The following PRPF4 variants were observed in gnomAD, a reference collection of about 807,000 sequenced individuals.
PRPF4 encodes the protein pre-mRNA splicing tri-snRNP complex factor PRPF4, also known as U4/U6 small nuclear ribonucleoprotein Prp4.
Under a neutral mutation model 72.2 loss-of-function variants are expected in PRPF4, and 14 were observed. The observed-to-expected ratio is 0.19, with a 90% CI of 0.13 to 0.30. The LOEUF is 0.30. PRPF4 is among the 10% of genes least tolerant of loss of function. The pLI is 1.00. For missense variants in PRPF4, 478 were observed against 653.9 expected, an observed-to-expected ratio of 0.73 and a Z score of 2.93; for synonymous variants, 225 against 232.2, an observed-to-expected ratio of 0.97 and a Z score of 0.28.
rs547910971 is a variant in PRPF4 at position 113,276,034 on chromosome 9, A to T, written c.27+264A>T. 2.6e-5 allele frequency among the ~76,000 whole-genome samples: 4 copies of T among 152,338 alleles called. No individual in the cohort carries two copies. In the South Asian group the frequency reaches 8.3e-4, roughly 32 times the overall value. On this transcript the variant is annotated intron_variant, in intron 1 of 13. Coordinates refer to ENST00000374198, the MANE Select transcript of PRPF4 (RefSeq NM_001244926.2). ...GACTCATCCAGTAACGGTGCTCTGAAATAGGGAAGTGTCTTGGCCAAGGTT... is the reference window on the plus strand; with the variant it reads ...GACTCATCCAGTAACGGTGCTCTGATATAGGGAAGTGTCTTGGCCAAGGTT...
chr9:113,283,419 C>T lies in PRPF4; in HGVS notation c.591C>T (p.Leu197=). 1 of 1,614,090 alleles carries T rather than the reference C, an allele frequency of 6.2e-7. No individual in the cohort carries two copies. The highest frequency in any genetic ancestry group is 8.5e-7 in the Non-Finnish European group (1 of 1,180,020). Residue 197 remains leucine (L), a synonymous_variant, in exon 6 of 14, where the codon CTC becomes CTT. Coordinates refer to ENST00000374198, the MANE Select transcript of PRPF4 (RefSeq NM_001244926.2). ...RAMKRLEEAR[L]HKEIPETTRT... ...TGAAACGCTTGGAAGAGGCCCGACT[C>T]CATAAGGAGATTCCTGAGACAACAA...
rs774355275 is a variant in PRPF4 at position 113,276,745 on chromosome 9, C to T, written c.205+20C>T. 12 of 1,585,816 alleles carry T rather than the reference C, an allele frequency of 7.6e-6. No homozygotes were observed. Among genetic ancestry groups the T allele is most frequent in the Non-Finnish European group, 1.0e-5 (12 of 1,165,322 alleles). On this transcript the variant is annotated intron_variant, in intron 2 of 13. Coordinates refer to ENST00000374198, the MANE Select transcript of PRPF4 (RefSeq NM_001244926.2). Reference sequence around the variant, plus strand: ...CCTCTGGTAAGATGCAAATTGTGAGCCCATCTTTACCTCTTTGTGTAATGA... The same window carrying T: ...CCTCTGGTAAGATGCAAATTGTGAGTCCATCTTTACCTCTTTGTGTAATGA...
chr9:113,289,204 C>CT (rs1364184355), intron 10 of PRPF4, among the ~76,000 whole-genome samples: 1 of 152,130 alleles, frequency 6.6e-6, no homozygotes, highest in Non-Finnish European at 1.5e-5. Flanking sequence ...CTTTTTATTG[C>CT]TGGGGGTTAT....
At position 113,279,989 on chromosome 9, in the gene PRPF4, C is replaced by A. The variant is rs369177450; in HGVS notation, c.392+858C>A. Among the ~76,000 whole-genome samples, 65 of 152,282 alleles carry A rather than the reference C, an allele frequency of 4.3e-4. 2 individuals are homozygous for A. In the South Asian group the frequency reaches 0.013, roughly 30 times the overall value. ...TCTGTCCACTGTCTCATCTACCCTT[C>A]ATCATCCAGCTTGTTGGAAGGGTTT... On this transcript the variant is annotated intron_variant, in intron 3 of 13. Transcript: ENST00000374198.
In PRPF4 at chr9:113,284,381, A is replaced by G. The variant is rs1164337940; in HGVS notation, c.741A>G (p.Thr247=). 5 of 1,608,938 alleles carry G rather than the reference A, an allele frequency of 3.1e-6. No homozygotes were observed. The highest frequency in any genetic ancestry group is 4.3e-6 in the Non-Finnish European group (5 of 1,175,310). The change falls in exon 7 of 14, where the codon ACA becomes ACG. Residue 247 remains threonine, a synonymous_variant. Transcript: ENST00000374198. ...GTCCCAATTCCAAGATGCTGGCCAC[A>G]GCTTGTTGGTAAGTTCCATTTTACA... is the stretch of plus-strand genomic sequence containing the variant. The part of the protein sequence containing the change: ...HFSPNSKMLA[T]ACWSGLCKLW...
At chr9:113,285,727 T>C (rs1832429531) in intron 7 of PRPF4, among the ~76,000 whole-genome samples, 2 of 151,798 alleles carry the variant, frequency 1.3e-5, no homozygotes, top group South Asian at 4.1e-4. Flanking sequence ...TAGCCAGGTG[T>C]GGTGGCATGC....
chr9:113,285,902 C>T (rs559408209), intron 7 of PRPF4, among the ~76,000 whole-genome samples: 11 of 152,112 alleles, frequency 7.2e-5, no homozygotes, highest in African/African-American at 2.7e-4. Context: ...CAGCAAAATA[C>T]TATTCATATT....
intron 3 of PRPF4, among the ~76,000 whole-genome samples, chr9:113,279,568 T>C (rs1188764119): frequency 1.2e-4 from 19 of 152,136 alleles, no homozygotes; most frequent in Admixed American, 1.2e-3. Context: ...TTTGTATTTT[T>C]AGTAGAGACA....
At chr9:113,282,206 C>G (rs1047612334) in intron 3 of PRPF4, among the ~76,000 whole-genome samples, 5 of 152,232 alleles carry the variant, frequency 3.3e-5, no homozygotes, top group Admixed American at 2.6e-4. Flanking sequence ...GGTATAGTGG[C>G]TCATGCCCGT....
intron 10 of PRPF4, among the ~76,000 whole-genome samples, chr9:113,289,272 G>A (rs558823217): frequency 8.2e-4 from 125 of 152,336 alleles, no homozygotes; most frequent in Middle Eastern, 6.8e-3. Context: ...CACTTGGGCT[G>A]TTTCCAGGTC....
At position 113,283,374 on chromosome 9, in the gene PRPF4, G is replaced by T; in HGVS notation, c.561-15G>T. The stretch of plus-strand genomic sequence containing the variant: ...CAACCCTGTTGCTCCTGGTGATGGT[G>T]TTTCTGTGTCGCAGGGCAATGAAAC... On this transcript the variant is annotated splice_polypyrimidine_tract_variant and intron_variant, in intron 5 of 13. Coordinates refer to ENST00000374198, the MANE Select transcript of PRPF4 (RefSeq NM_001244926.2). The T allele has an allele frequency of 6.2e-7, 1 of 1,614,098 alleles. No individual in the cohort carries two copies. Among genetic ancestry groups the T allele is most frequent in the Non-Finnish European group, 8.5e-7 (1 of 1,179,990 alleles).
rs1832316984 is a variant in PRPF4, at chr9:113,282,659, C to A, written c.406C>A (p.Leu136Ile). The change falls in exon 4 of 14, where the codon CTC becomes ATC. Residue 136 changes from leucine to isoleucine, a missense_variant. Leu to Ile is a conservative substitution (Grantham distance 5, BLOSUM62 2). Coordinates refer to ENST00000374198, the MANE Select transcript of PRPF4 (RefSeq NM_001244926.2). ...AERRERLRNI[L>I]SVVGTDALKK... ...TTTTTTTAACAGGTTAAGAAATATC[C>A]TCTCAGTTGTCGGTACTGATGCCTT... 5.6e-6 allele frequency: 9 copies of A among 1,598,404 alleles called. No homozygotes were observed. Among genetic ancestry groups the A allele is most frequent in the Non-Finnish European group, 6.0e-6 (7 of 1,172,886 alleles).
chr9:113,291,086 C>G, intron 13 of PRPF4, 70 bp downstream of exon 13: 1 of 1,456,636 alleles, frequency 6.9e-7, no homozygotes, highest in Non-Finnish European at 9.6e-7. Flanking sequence ...GGAATGCAGG[C>G]CAGGCTTTAG....
Position 113,291,581 on chromosome 9 carries a change from G to C in PRPF4, c.1487G>C (p.Gly496Ala), listed in dbSNP as rs1248496723. ...GCTGGCCACGAAGGCAAAGTGATGG[G>C]CCTAGATATTTCTTCCGATGGGCAG... ...TLAGHEGKVMGLDISSDGQLI... is the reference protein window; with the variant it reads ...TLAGHEGKVMALDISSDGQLI... The change falls in exon 14 of 14, where the codon GGC (glycine) becomes GCC (alanine). Residue 496 changes from glycine (G) to alanine (A), a missense_variant. Gly to Ala is a moderately conservative substitution (Grantham distance 60, BLOSUM62 0). Transcript: ENST00000374198. 6.2e-7 allele frequency: 1 copy of C among 1,614,016 alleles called. No individual in the cohort carries two copies. Among genetic ancestry groups the C allele is most frequent in the African/African-American group, 1.3e-5 (1 of 74,900 alleles).
chr9:113,287,748 A>C (rs1387322707), intron 9 of PRPF4, among the ~76,000 whole-genome samples: 1 of 152,134 alleles, frequency 6.6e-6, no homozygotes, highest in East Asian at 1.9e-4. Flanking sequence ...TCCCTTTTTA[A>C]TTGCGTTCCT....
At chr9:113,291,155 AT>A (rs1044282459) in intron 13 of PRPF4, 139 bp downstream of exon 13, 2 of 919,354 alleles carry the variant, frequency 2.2e-6, no homozygotes, top group African/African-American at 3.3e-5. Context: ...GCAAATTATA[AT>A]TTCCTTCCCT....
At chr9:113,278,909 A>C in intron 2 of PRPF4, 36 bp from the exon 3 acceptor site, 1 of 1,599,848 alleles carries the variant, frequency 6.3e-7, no homozygotes, top group Non-Finnish European at 8.6e-7. Flanking sequence ...CTATTTGAAG[A>C]AGATCTGCTG....
chr9:113,275,920 C>A, intron 1 of PRPF4, 150 bp downstream of exon 1: 1 of 1,049,746 alleles, frequency 9.5e-7, no homozygotes, highest in Non-Finnish European at 1.3e-6. Flanking sequence ...CACAGCGGAC[C>A]ACCGTTTTCC....
At chr9:113,277,067 C>T (rs12683920) in intron 2 of PRPF4, among the ~76,000 whole-genome samples, 7,569 of 152,202 alleles carry the variant, frequency 0.05, 271 homozygotes, top group East Asian at 0.099. Context: ...CCCGCCTCGT[C>T]CTCCTAAAGT....
Sources: allele counts gnomAD v4.1 joint callset (sites outside exome capture counted in the v4.1 genomes callset), GRCh38; gene constraint gnomAD v4.1.1; transcripts MANE v1.5; gene names NCBI Gene and HGNC (gene_info 2026-07-23, HGNC 2026-07-21).